The following ZNF407 variants were observed in gnomAD, a reference collection of about 807,000 sequenced individuals.
ZNF407 encodes the protein zinc finger protein 407.
Under a neutral mutation model 131.2 loss-of-function variants are expected in ZNF407, and 17 were observed. That is an observed-to-expected ratio of 0.13 (90% CI 0.09 to 0.19). The LOEUF is 0.19. ZNF407 is among the 10% of genes least tolerant of loss of function. ZNF407 has a pLI of 1.00. For missense variants in ZNF407, 2,681 were observed against 2,830.6 expected (o/e 0.95, Z 1.20); for synonymous variants, 1,156 against 1,062.0 (o/e 1.09, Z -1.72).
At chr18:74,810,639 TG>T (rs773832620) in intron 4 of ZNF407, among the ~76,000 whole-genome samples, 50 of 152,334 alleles carry the variant, frequency 3.3e-4, no homozygotes, top group Non-Finnish European at 5.4e-4. Context: ...TCTCTAGTTT[TG>T]AGAGTCCTTT....
At chr18:74,647,462 G>T (rs1002767128) in intron 3 of ZNF407, among the ~76,000 whole-genome samples, 5 of 151,968 alleles carry the variant, frequency 3.3e-5, no homozygotes, top group Non-Finnish European at 4.4e-5. Flanking sequence ...AAATCTTCTT[G>T]TAGAGTCTCA....
At chr18:74,945,779 A>G (rs1469522375) in intron 8 of ZNF407, among the ~76,000 whole-genome samples, 2 of 152,110 alleles carry the variant, frequency 1.3e-5, no homozygotes, top group African/African-American at 2.4e-5. Flanking sequence ...TACCCAGGCA[A>G]GGTGTCATAC....
At chr18:74,618,607 G>A (rs1397624709) in intron 1 of ZNF407, among the ~76,000 whole-genome samples, 1 of 152,014 alleles carries the variant, frequency 6.6e-6, no homozygotes, top group Non-Finnish European at 1.5e-5. Flanking sequence ...AAATGAGGTA[G>A]TCATTATTCT....
chr18:74,608,149 G>A (rs972794470), intron 1 of ZNF407, among the ~76,000 whole-genome samples: 8 of 152,274 alleles, frequency 5.3e-5, no homozygotes, highest in African/African-American at 1.9e-4. Context: ...CTTTTGGCCA[G>A]CATCTCCTGT....
intron 3 of ZNF407, among the ~76,000 whole-genome samples, chr18:74,697,735 C>G (rs961191911): frequency 6.6e-6 from 1 of 151,960 alleles, no homozygotes; most frequent in African/African-American, 2.4e-5. Flanking sequence ...TTAGATTATT[C>G]AAAACTAATA....
At chr18:74,824,734 CA>C (rs375163214) in intron 4 of ZNF407, among the ~76,000 whole-genome samples, 258 of 152,164 alleles carry the variant, frequency 1.7e-3, no homozygotes, top group African/African-American at 5.9e-3. Context: ...GCCTACCAAC[CA>C]AAAAAAGTCC....
At chr18:74,846,993 CAA>C (rs34570082) in intron 4 of ZNF407, among the ~76,000 whole-genome samples, 6 of 148,124 alleles carry the variant, frequency 4.1e-5, no homozygotes, top group East Asian at 4.0e-4. Context: ...GACTTAGTCT[CAA>C]AAAAAAAAAG....
intron 8 of ZNF407, among the ~76,000 whole-genome samples, chr18:74,984,284 C>T (rs1972627053): frequency 6.6e-6 from 1 of 152,030 alleles, no homozygotes; most frequent in Non-Finnish European, 1.5e-5. Flanking sequence ...TGCCGCTGCT[C>T]ACTGCAACTG....
intron 3 of ZNF407, among the ~76,000 whole-genome samples, chr18:74,686,800 T>C (rs1205620855): frequency 6.6e-6 from 1 of 152,258 alleles, no homozygotes; most frequent in African/African-American, 2.4e-5. Context: ...GGTAAATTTT[T>C]TCTTTACCTT....
chr18:74,863,146 C>T (rs1219855447), intron 4 of ZNF407, among the ~76,000 whole-genome samples: 1 of 151,754 alleles, frequency 6.6e-6, no homozygotes, highest in Non-Finnish European at 1.5e-5. Context: ...GTCTTGAACT[C>T]CTGTCCTCAG....
chr18:74,694,211 AG>A (rs2144806291), intron 3 of ZNF407, among the ~76,000 whole-genome samples: 1 of 151,814 alleles, frequency 6.6e-6, no homozygotes, highest in African/African-American at 2.4e-5. Flanking sequence ...GATCCTTTGG[AG>A]GTTTGTTTTT....
At position 74,920,531 on chromosome 18, in the gene ZNF407, A is replaced by G. The variant is rs1271529879; in HGVS notation, c.5267A>G (p.Asn1756Ser). 1 of 1,580,922 alleles carries G rather than the reference A, an allele frequency of 6.3e-7. No homozygotes were observed. Among genetic ancestry groups the G allele is most frequent in the Non-Finnish European group, 8.7e-7 (1 of 1,153,832 alleles). Reference sequence around the variant, plus strand: ...CTTGGTAGGTCAAACTGTGCTGAAAATATCCGCAAACACATTCTGCATACT... The same window carrying G: ...CTTGGTAGGTCAAACTGTGCTGAAAGTATCCGCAAACACATTCTGCATACT... The part of the protein sequence containing the change: ...WCDYRSNCAE[N>S]IRKHILHTGK... Residue 1756 changes from asparagine to serine, a missense_variant, in exon 8 of 9, where the codon AAT (asparagine) becomes AGT (serine). Physicochemically the swap from Asn to Ser is conservative, Grantham distance 46. Around this residue, in one of 6 missense-constraint regions of ZNF407, gnomAD observed 0 missense variants for 18.4 expected, o/e 0.00. Transcript: ENST00000299687.
At chr18:74,778,007 C>T (rs755853745) in intron 3 of ZNF407, among the ~76,000 whole-genome samples, 21 of 152,016 alleles carry the variant, frequency 1.4e-4, no homozygotes, top group Non-Finnish European at 2.5e-4. Flanking sequence ...CCTTGAACCT[C>T]GGATTTTGAA....
intron 8 of ZNF407, among the ~76,000 whole-genome samples, chr18:74,961,525 C>G (rs1195116894): frequency 6.6e-6 from 1 of 152,010 alleles, no homozygotes; most frequent in African/African-American, 2.4e-5. Context: ...TTGAGACCAG[C>G]CTGGGCAACA....
In ZNF407 at chr18:75,048,938, G is replaced by A. The variant is rs1406707373; in HGVS notation, c.5429-14212G>A. 1.3e-5 allele frequency among the ~76,000 whole-genome samples: 2 copies of A among 152,162 alleles called. No individual in the cohort carries two copies. The highest frequency in any genetic ancestry group is 2.9e-5 in the Non-Finnish European group (2 of 68,020). ...GAGGCTCCCTGGCTGGCAGGAATGG[G>A]CCTGGAGGGGACCCTTTTGTGGAGT... On this transcript the variant is annotated intron_variant, in intron 8 of 8. Transcript: ENST00000299687. This position sits in a 1 kb window ranked among gnomAD's most constrained non-coding sequence, Gnocchi z 4.1.
intron 4 of ZNF407, among the ~76,000 whole-genome samples, chr18:74,812,495 C>G (rs1006709817): frequency 1.4e-4 from 21 of 152,042 alleles, no homozygotes; most frequent in African/African-American, 4.4e-4. Flanking sequence ...CTTTTTTCCA[C>G]CACTTCTGCT....
intron 7 of ZNF407, among the ~76,000 whole-genome samples, chr18:74,914,474 A>G (rs887837133): frequency 3.3e-5 from 5 of 152,068 alleles, no homozygotes; most frequent in African/African-American, 1.2e-4. Context: ...GGGAGCCACA[A>G]CCTGGAGCCC....
At chr18:74,922,609 AAG>A (rs998249724) in intron 8 of ZNF407, among the ~76,000 whole-genome samples, 14 of 152,352 alleles carry the variant, frequency 9.2e-5, no homozygotes, top group Admixed American at 2.6e-4. Flanking sequence ...GTTCTGCAGA[AAG>A]GGGTTTGTGT....
intron 7 of ZNF407, among the ~76,000 whole-genome samples, chr18:74,895,500 G>T (rs1248225625): frequency 1.3e-5 from 2 of 151,908 alleles, no homozygotes; most frequent in African/African-American, 4.8e-5. Context: ...ATAGAATTTT[G>T]TCTGAACTTT....
Sources: gnomAD v4.1 joint callset for allele counts (sites outside exome capture counted in the v4.1 genomes callset) on GRCh38, gnomAD v4.1.1 for gene constraint, gnomAD v4.1.1 regional missense constraint, Gnocchi (gnomAD v3.1) non-coding constraint, MANE v1.5 for transcripts, NCBI Gene and HGNC (gene_info 2026-07-23, HGNC 2026-07-21) for gene names.